Variants in STAB2 observed in about 807,000 individuals in gnomAD.
The protein encoded by STAB2 is stabilin-2.
A neutral mutation model predicts 338.1 loss-of-function variants in STAB2; 288 were observed. The ratio of observed to expected loss-of-function variants is 0.85; its 90% CI spans 0.77 to 0.94. The LOEUF (loss-of-function observed/expected upper bound fraction) is 0.94, where lower values mean the gene tolerates loss of function less well. Among genes scored for constraint, STAB2 ranks in the 40% least tolerant of loss-of-function variants. STAB2 has a pLI of 0.00. For missense variants in STAB2, 3,141 were observed against 3,210.1 expected (o/e 0.98, Z 0.52); for synonymous variants, 1,202 against 1,193.3 (o/e 1.01, Z -0.15).
intron 60 of STAB2, among the ~76,000 whole-genome samples, chr12:103,752,094 C>G (rs765944844): frequency 5.9e-5 from 9 of 152,142 alleles, no homozygotes; most frequent in African/African-American, 2.2e-4. Flanking sequence ...GGTTCCGTTT[C>G]CAGGACCCCA....
chr12:103,721,858 C>T (rs1055576530), intron 44 of STAB2, among the ~76,000 whole-genome samples: 4 of 152,084 alleles, frequency 2.6e-5, no homozygotes, highest in Admixed American at 6.6e-5. Context: ...ACCAATAAGA[C>T]CTGCTGATAG....
At chr12:103,607,719 T>C (rs1957053785) in intron 3 of STAB2, among the ~76,000 whole-genome samples, 1 of 152,212 alleles carries the variant, frequency 6.6e-6, no homozygotes, top group Non-Finnish European at 1.5e-5. Context: ...CATGAACTCA[T>C]CCTTTTTTAT....
intron 56 of STAB2, among the ~76,000 whole-genome samples, chr12:103,743,023 CTTTTTTT>C (rs34478982): frequency 7.4e-6 from 1 of 134,746 alleles, no homozygotes; most frequent in African/African-American, 2.8e-5. Context: ...ATTTTTTTTT[CTTTTTTT>C]TTTTTTTTTG....
intron 40 of STAB2, among the ~76,000 whole-genome samples, chr12:103,711,964 AG>A (rs1467301723): frequency 6.6e-6 from 1 of 152,228 alleles, no homozygotes; most frequent in African/African-American, 2.4e-5. Flanking sequence ...CATGATCTTG[AG>A]TCCAACGTTG....
Position 103,762,355 on chromosome 12 carries a change from T to C in STAB2, c.7441T>C (p.Ser2481Pro), listed in dbSNP as rs1263085451. Residue 2481 changes from serine (S) to proline (P), a missense_variant, in exon 67 of 69, where the codon TCC (serine) becomes CCC (proline). Transcript: ENST00000388887. The part of the protein sequence containing the change: ...VTGAVALAAY[S>P]YFRINRRTIG... ...TGGGGCTGTTGCCTTGGCTGCTTACTCCTACTTTCGGATAAACCGGAGAAC... is the reference window on the plus strand; with the variant it reads ...TGGGGCTGTTGCCTTGGCTGCTTACCCCTACTTTCGGATAAACCGGAGAAC... 1 of 1,614,088 alleles carries C rather than the reference T, an allele frequency of 6.2e-7. No individual in the cohort carries two copies. Among genetic ancestry groups the C allele is most frequent in the Admixed American group, 1.7e-5 (1 of 60,002 alleles).
At chr12:103,760,395 G>A (rs1593355328) in intron 65 of STAB2, among the ~76,000 whole-genome samples, 1 of 152,102 alleles carries the variant, frequency 6.6e-6, no homozygotes, top group African/African-American at 2.4e-5. Flanking sequence ...CGCGTAGCTG[G>A]GACTACAGGT....
In STAB2 at chr12:103,711,517, G is replaced by T; in HGVS notation, c.4334+1G>T. On this transcript the variant is annotated splice_donor_variant, in intron 40 of 68. Transcript: ENST00000388887. LOFTEE classifies it high-confidence loss of function. ...ATGGGACATGCCATACCAGCGCCAA[G>T]TAGGTAGCCCTGGGCCACCTCTGGG... 1 of 1,614,128 alleles carries T rather than the reference G, an allele frequency of 6.2e-7. No homozygotes were observed. The highest frequency in any genetic ancestry group is 1.3e-5 in the African/African-American group (1 of 75,046).
intron 22 of STAB2, 102 bp from the exon 23 acceptor site, chr12:103,673,805 T>G (rs1292109415): frequency 6.5e-6 from 8 of 1,239,010 alleles, no homozygotes; most frequent in Non-Finnish European, 8.9e-6. Context: ...CAAGAGTGAG[T>G]GGGGGGTGAG....
chr12:103,732,271 T>G (rs1315348676), intron 50 of STAB2, among the ~76,000 whole-genome samples: 2 of 152,150 alleles, frequency 1.3e-5, no homozygotes, highest in Non-Finnish European at 2.9e-5. Context: ...ATCGCACCAC[T>G]GCACTCCAGC....
At chr12:103,753,968 G>A (rs1314985436) in intron 61 of STAB2, among the ~76,000 whole-genome samples, 1 of 152,224 alleles carries the variant, frequency 6.6e-6, no homozygotes, top group African/African-American at 2.4e-5. Context: ...TTGATCAGGT[G>A]CTGCTCTCTT....
At chr12:103,647,577 A>G (rs1873431535) in intron 9 of STAB2, among the ~76,000 whole-genome samples, 1 of 152,194 alleles carries the variant, frequency 6.6e-6, no homozygotes, top group African/African-American at 2.4e-5. Context: ...TCTATACTGC[A>G]TAGTTGTGGT....
intron 44 of STAB2, among the ~76,000 whole-genome samples, chr12:103,720,627 C>T (rs1343570657): frequency 6.6e-6 from 1 of 152,162 alleles, no homozygotes; most frequent in Non-Finnish European, 1.5e-5. Context: ...AAATCTGGCC[C>T]AAGAACAATT....
At chr12:103,733,566 T>G (rs755511180) in intron 51 of STAB2, among the ~76,000 whole-genome samples, 11 of 152,182 alleles carry the variant, frequency 7.2e-5, no homozygotes, top group Admixed American at 1.3e-4. Context: ...TCTAGGCAAA[T>G]GACTGATTGA....
chr12:103,711,370 T>C, intron 39 of STAB2, 101 bp from the exon 40 acceptor site: 3 of 1,469,526 alleles, frequency 2.0e-6, no homozygotes, highest in South Asian at 1.2e-5. Flanking sequence ...ACATGATACA[T>C]ATCACTTCCA....
chr12:103,720,064 C>T (rs1361288226), intron 44 of STAB2, among the ~76,000 whole-genome samples: 2 of 152,188 alleles, frequency 1.3e-5, no homozygotes, highest in Non-Finnish European at 2.9e-5. Flanking sequence ...CTGGCAAGCT[C>T]CTCAAGAGAT....
chr12:103,728,095 A>G (rs996394673), intron 47 of STAB2, among the ~76,000 whole-genome samples: 1 of 152,182 alleles, frequency 6.6e-6, no homozygotes, highest in Non-Finnish European at 1.5e-5. Flanking sequence ...CCATTAAAGG[A>G]GTTATGAAAC....
At chr12:103,606,349 A>G (rs1044770458) in intron 3 of STAB2, among the ~76,000 whole-genome samples, 3 of 152,126 alleles carry the variant, frequency 2.0e-5, no homozygotes. Context: ...ATTGTTACCA[A>G]TTTTTCCTTA....
intron 56 of STAB2, 75 bp downstream of exon 56, chr12:103,742,629 C>T: frequency 1.3e-6 from 2 of 1,594,922 alleles, no homozygotes; most frequent in Admixed American, 3.4e-5. Flanking sequence ...ATGCCATCTG[C>T]CTGACCTGGA....
Position 103,766,642 on chromosome 12 carries a change from C to T in STAB2, c.*306C>T, listed in dbSNP as rs1399392365. ...TCTTCCCTGTTAGATTGTAAGCCTCCGTCTTTGTATCCCAGCCCCTAGCCC... is the reference window on the plus strand; with the variant it reads ...TCTTCCCTGTTAGATTGTAAGCCTCTGTCTTTGTATCCCAGCCCCTAGCCC... On this transcript the variant is annotated 3_prime_UTR_variant, in exon 69 of 69. Coordinates refer to ENST00000388887, the MANE Select transcript of STAB2 (RefSeq NM_017564.10). 2 of 324,410 alleles carry T rather than the reference C, an allele frequency of 6.2e-6. No homozygotes were observed. The highest frequency in any genetic ancestry group is 2.1e-5 in the African/African-American group (1 of 47,710). The allele number at this position is 324,410 out of a possible 1,614,324, so 20.1% of individuals were successfully genotyped here.
Sources: gnomAD v4.1 joint callset for allele counts (sites outside exome capture counted in the v4.1 genomes callset) on GRCh38, gnomAD v4.1.1 for gene constraint, MANE v1.5 for transcripts, NCBI Gene and HGNC (gene_info 2026-07-23, HGNC 2026-07-21) for gene names.